DOK6: variants seen among roughly 807,000 people sequenced by gnomAD.
DOK6 encodes downstream of tyrosine kinase 6.
Under a neutral mutation model 44.0 loss-of-function variants are expected in DOK6, and 22 were observed. The ratio of observed to expected loss-of-function variants is 0.50; its 90% CI spans 0.36 to 0.71. The LOEUF (loss-of-function observed/expected upper bound fraction) is 0.71, where lower values mean the gene tolerates loss of function less well. DOK6 is among the 30% of genes least tolerant of loss of function. The pLI is 0.00. For missense variants in DOK6, 340 were observed against 416.4 expected (o/e 0.82, Z 1.60); for synonymous variants, 166 against 145.5 (o/e 1.14, Z -1.01).
At chr18:69,448,837 T>C (rs1031861133) in intron 1 of DOK6, among the ~76,000 whole-genome samples, 5 of 152,248 alleles carry the variant, frequency 3.3e-5, no homozygotes, top group African/African-American at 1.2e-4. Flanking sequence ...CTGAGTGCCA[T>C]GTATATATTT....
Position 69,594,182 on chromosome 18 carries a change from ATT to A in DOK6, c.175-5191_175-5190del, listed in dbSNP as rs35613271. Among the ~76,000 whole-genome samples, 810 of 148,126 alleles carry A rather than the reference ATT, an allele frequency of 5.5e-3. 34 individuals carry two copies. Among genetic ancestry groups the A allele is most frequent in the Admixed American group, 0.047 (691 of 14,858 alleles). On this transcript the variant is annotated intron_variant, in intron 2 of 7. Coordinates refer to ENST00000382713, the MANE Select transcript of DOK6 (RefSeq NM_152721.6). ...CAGGAACTGTAAGACATTGATGTTT[ATT>A]TTTTTTTTTTACTGAAAGGGAAAAT...
At chr18:69,753,996 G>A (rs1326922120) in intron 6 of DOK6, among the ~76,000 whole-genome samples, 1 of 151,954 alleles carries the variant, frequency 6.6e-6, no homozygotes, top group Admixed American at 6.6e-5. Context: ...AATATAAGTT[G>A]CCTTATATAT....
intron 3 of DOK6, among the ~76,000 whole-genome samples, chr18:69,667,706 G>A (rs1233119455): frequency 6.6e-6 from 1 of 152,124 alleles, no homozygotes; most frequent in Non-Finnish European, 1.5e-5. Flanking sequence ...TTCCTTAAAT[G>A]TCTGTTATGT....
intron 1 of DOK6, among the ~76,000 whole-genome samples, chr18:69,520,577 C>A (rs1344560361): frequency 6.6e-6 from 1 of 151,842 alleles, no homozygotes; most frequent in African/African-American, 2.4e-5. Flanking sequence ...GAAAATTCTA[C>A]ACATAAGTAA....
At position 69,655,777 on chromosome 18, in the gene DOK6, AAAAAAAC is replaced by A. The variant is rs1204830565; in HGVS notation, c.290-21952_290-21946del. Among the ~76,000 whole-genome samples the A allele has an allele frequency of 8.3e-3, 1,209 of 145,870 alleles. 34 individuals carry two copies. Among genetic ancestry groups the A allele is most frequent in the African/African-American group, 0.03 (1,156 of 38,230 alleles). On this transcript the variant is annotated intron_variant, in intron 3 of 7. Coordinates refer to ENST00000382713, the MANE Select transcript of DOK6 (RefSeq NM_152721.6). ...CCCACCCCTCAAAAAAAAAAAAAAAAAAAAAACAAAAGAACAAAGCATAAAATATGAA... is the reference window on the plus strand; with the variant it reads ...CCCACCCCTCAAAAAAAAAAAAAAAAAAAAGAACAAAGCATAAAATATGAA...
chr18:69,584,746 G>A lies in DOK6; in HGVS notation c.175-14638G>A, dbSNP rs185712540. On this transcript the variant is annotated intron_variant, in intron 2 of 7. Coordinates refer to ENST00000382713, the MANE Select transcript of DOK6 (RefSeq NM_152721.6). ...GAAACCATCTGGAAATGGGCTCTTGGAAAATGAATATATTGTTTTACTCAA... is the reference window on the plus strand; with the variant it reads ...GAAACCATCTGGAAATGGGCTCTTGAAAAATGAATATATTGTTTTACTCAA... 3.2e-3 allele frequency among the ~76,000 whole-genome samples: 492 copies of A among 152,090 alleles called. 1 individual carries two copies. The highest frequency in any genetic ancestry group is 5.6e-3 in the Non-Finnish European group (378 of 67,986).
intron 1 of DOK6, among the ~76,000 whole-genome samples, chr18:69,517,318 C>T (rs1319284342): frequency 2.0e-5 from 3 of 151,876 alleles, no homozygotes; most frequent in Admixed American, 2.0e-4. Context: ...CTGACCTCTG[C>T]ATAGGGGAAA....
chr18:69,700,087 G>A (rs1327147209), intron 5 of DOK6, among the ~76,000 whole-genome samples: 2 of 151,876 alleles, frequency 1.3e-5, no homozygotes, highest in Non-Finnish European at 2.9e-5. Flanking sequence ...GGGAGGAACT[G>A]CCCCCATGAT....
intron 1 of DOK6, among the ~76,000 whole-genome samples, chr18:69,500,344 AG>A (rs1981012580): frequency 6.6e-6 from 1 of 152,108 alleles, no homozygotes; most frequent in African/African-American, 2.4e-5. Flanking sequence ...GCATGGACAA[AG>A]GACTTGACTT....
chr18:69,622,366 G>A (rs9958399), intron 3 of DOK6, among the ~76,000 whole-genome samples: 145,059 of 152,332 alleles, frequency 0.95, 69,474 homozygotes, highest in East Asian at 1. Flanking sequence ...TGCAGTATTC[G>A]TTTGTTTTGA....
chr18:69,693,734 C>T (rs1986320928), intron 4 of DOK6, among the ~76,000 whole-genome samples: 1 of 152,084 alleles, frequency 6.6e-6, no homozygotes, highest in Non-Finnish European at 1.5e-5. Context: ...CTCAGACTCA[C>T]AGCTATACTT....
At chr18:69,657,067 A>G (rs1227003031) in intron 3 of DOK6, among the ~76,000 whole-genome samples, 1 of 152,244 alleles carries the variant, frequency 6.6e-6, no homozygotes, top group Non-Finnish European at 1.5e-5. Flanking sequence ...TAATAATCCA[A>G]GTAAATGCAA....
intron 1 of DOK6, among the ~76,000 whole-genome samples, chr18:69,548,106 A>G (rs1982457003): frequency 6.6e-6 from 1 of 150,494 alleles, no homozygotes; most frequent in South Asian, 2.1e-4. Flanking sequence ...GGTGCCTGCT[A>G]CCACACCCGG....
At chr18:69,836,625 A>G (rs1234148161) in intron 7 of DOK6, among the ~76,000 whole-genome samples, 1 of 152,212 alleles carries the variant, frequency 6.6e-6, no homozygotes, top group African/African-American at 2.4e-5. Flanking sequence ...ACCATTAACA[A>G]TTTTATTGCT....
chr18:69,550,781 T>C (rs7506853), intron 1 of DOK6, among the ~76,000 whole-genome samples: 4 of 51,922 alleles, frequency 7.7e-5, no homozygotes, highest in African/African-American at 1.2e-4. Context: ...TTCTTTCTTT[T>C]TTTTTTTTTT....
At chr18:69,558,771 C>T (rs113643511) in intron 1 of DOK6, among the ~76,000 whole-genome samples, 5 of 152,200 alleles carry the variant, frequency 3.3e-5, no homozygotes, top group African/African-American at 1.2e-4. Flanking sequence ...ACTTGATATC[C>T]TGTGTCAGAT....
At chr18:69,584,620 C>T (rs1983455725) in intron 2 of DOK6, among the ~76,000 whole-genome samples, 1 of 152,076 alleles carries the variant, frequency 6.6e-6, no homozygotes, top group African/African-American at 2.4e-5. Flanking sequence ...CAATATTAAA[C>T]CAGACTCAAA....
chr18:69,402,627 G>A (rs1916125074), intron 1 of DOK6, among the ~76,000 whole-genome samples: 1 of 152,168 alleles, frequency 6.6e-6, no homozygotes, highest in Admixed American at 6.5e-5. Context: ...GGTGCAGACT[G>A]TACCCCAAGG....
chr18:69,650,894 T>A (rs1204392594), intron 3 of DOK6, among the ~76,000 whole-genome samples: 3 of 152,372 alleles, frequency 2.0e-5, no homozygotes, highest in Admixed American at 6.5e-5. Flanking sequence ...TTTGGTATAA[T>A]AGCCTGTCCA....
Sources: allele counts gnomAD v4.1 joint callset (sites outside exome capture counted in the v4.1 genomes callset), GRCh38; gene constraint gnomAD v4.1.1; transcripts MANE v1.5; gene names NCBI Gene and HGNC (gene_info 2026-07-23, HGNC 2026-07-21).